SATB2: variants seen among roughly 807,000 people sequenced by gnomAD.
The protein encoded by SATB2 is DNA-binding protein SATB2.
A neutral mutation model predicts 73.4 loss-of-function variants in SATB2; 1 was observed. The observed-to-expected ratio is 0.01, with a 90% CI of 0.00 to 0.06. The LOEUF is 0.06. Ranked by LOEUF, SATB2 falls within the 10% of genes least tolerant of loss-of-function variation. The probability of loss-of-function intolerance (pLI) is 1.00; values close to 1 mark genes in which losing one functional copy is unlikely to be tolerated. For missense variants in SATB2, 459 were observed against 945.8 expected, an observed-to-expected ratio of 0.49 and a Z score of 6.75; for synonymous variants, 397 against 367.0, an observed-to-expected ratio of 1.08 and a Z score of -0.93.
chr2:199,451,194 G>T (rs1050427277), intron 2 of SATB2, among the ~76,000 whole-genome samples: 11 of 151,406 alleles, frequency 7.3e-5, no homozygotes, highest in Admixed American at 4.6e-4. Context: ...GGAACATAAG[G>T]CTTCCAAAAT....
chr2:199,311,938 T>A (rs760413540), intron 9 of SATB2, among the ~76,000 whole-genome samples: 4 of 152,152 alleles, frequency 2.6e-5, no homozygotes, highest in Non-Finnish European at 4.4e-5. Context: ...TGTATGTAAT[T>A]GTGAGTGACC....
At chr2:199,445,542 A>G (rs1270865119) in intron 2 of SATB2, among the ~76,000 whole-genome samples, 3 of 152,218 alleles carry the variant, frequency 2.0e-5, no homozygotes, top group African/African-American at 7.2e-5. Flanking sequence ...GGGGGAGTTT[A>G]TAAGTTAGCT....
intron 9 of SATB2, 49 bp downstream of exon 9, chr2:199,323,754 G>A (rs750158758): frequency 6.4e-7 from 1 of 1,561,730 alleles, no homozygotes; most frequent in Admixed American, 1.7e-5. Context: ...GGAGGAAGGA[G>A]AAGGATCTAA....
intron 3 of SATB2, among the ~76,000 whole-genome samples, chr2:199,385,942 C>T (rs1689917611): frequency 6.6e-6 from 1 of 152,096 alleles, no homozygotes; most frequent in South Asian, 2.1e-4. Flanking sequence ...ACAATGCCTA[C>T]CCTTTAGGGT....
At chr2:199,382,233 T>C (rs1053864420) in intron 3 of SATB2, among the ~76,000 whole-genome samples, 1 of 152,216 alleles carries the variant, frequency 6.6e-6, no homozygotes, top group East Asian at 1.9e-4. Flanking sequence ...AGAAAATTCC[T>C]GTGTGTGGGC....
chr2:199,454,187 T>G (rs1692208892), intron 2 of SATB2, among the ~76,000 whole-genome samples: 1 of 152,020 alleles, frequency 6.6e-6, no homozygotes, highest in Non-Finnish European at 1.5e-5. Context: ...GGGAAAAAAC[T>G]TGTTTTAGGG....
At chr2:199,363,491 G>A (rs999643233) in intron 6 of SATB2, among the ~76,000 whole-genome samples, 7 of 152,192 alleles carry the variant, frequency 4.6e-5, no homozygotes, top group African/African-American at 1.7e-4. Flanking sequence ...CAGAGGCTGG[G>A]AGGTGGGAGC....
chr2:199,316,396 C>T (rs191717388), intron 9 of SATB2, among the ~76,000 whole-genome samples: 44 of 152,150 alleles, frequency 2.9e-4, no homozygotes, highest in African/African-American at 1.1e-3. Flanking sequence ...ATTATCTAAA[C>T]CTGAAAAAAG....
At chr2:199,418,092 C>G (rs1034399415) in intron 3 of SATB2, among the ~76,000 whole-genome samples, 5 of 152,188 alleles carry the variant, frequency 3.3e-5, no homozygotes, top group African/African-American at 9.7e-5. Context: ...TAACATGATT[C>G]AGCCCTTACC....
At chr2:199,361,244 T>C (rs10497834) in intron 6 of SATB2, among the ~76,000 whole-genome samples, 142,356 of 152,084 alleles carry the variant, frequency 0.94, 67,363 homozygotes, top group East Asian at 1. Context: ...TGGTATTGTC[T>C]TATTTCTGTC....
At chr2:199,392,892 A>G (rs993954924) in intron 3 of SATB2, among the ~76,000 whole-genome samples, 2 of 152,242 alleles carry the variant, frequency 1.3e-5, no homozygotes, top group South Asian at 4.1e-4. Flanking sequence ...AGAGGTAAGC[A>G]TTACATTTTT....
At chr2:199,292,634 T>A (rs946483545) in intron 10 of SATB2, among the ~76,000 whole-genome samples, 3 of 152,232 alleles carry the variant, frequency 2.0e-5, no homozygotes, top group Admixed American at 2.0e-4. Flanking sequence ...ACTTCCTTTC[T>A]AAGCCATATT....
At chr2:199,349,305 C>T in intron 6 of SATB2, 132 bp from the exon 7 acceptor site, 1 of 717,732 alleles carries the variant, frequency 1.4e-6, no homozygotes, top group African/African-American at 1.8e-5. Flanking sequence ...ACGATGGAAG[C>T]TCCAGCATAA....
chr2:199,312,029 T>G (rs1687612273), intron 9 of SATB2, among the ~76,000 whole-genome samples: 1 of 151,428 alleles, frequency 6.6e-6, no homozygotes, highest in Non-Finnish European at 1.5e-5. Context: ...CAAGAAAGTT[T>G]TGCAGTATCA....
intron 5 of SATB2, among the ~76,000 whole-genome samples, chr2:199,369,986 T>C (rs979228336): frequency 5.3e-5 from 8 of 152,136 alleles, no homozygotes; most frequent in Non-Finnish European, 1.2e-4. Context: ...GATAACTCTT[T>C]TCATCCCAAG....
At chr2:199,357,317 C>T (rs1689015801) in intron 6 of SATB2, among the ~76,000 whole-genome samples, 1 of 152,168 alleles carries the variant, frequency 6.6e-6, no homozygotes, top group Non-Finnish European at 1.5e-5. Flanking sequence ...GTAACATACA[C>T]TGAAAAGACT....
chr2:199,450,662 T>A (rs1263239565), intron 2 of SATB2, among the ~76,000 whole-genome samples: 1 of 152,060 alleles, frequency 6.6e-6, no homozygotes, highest in Non-Finnish European at 1.5e-5. Flanking sequence ...TATTTGGAAT[T>A]CATCTAGCCC....
chr2:199,305,457 T>A (rs1176363469), intron 10 of SATB2, among the ~76,000 whole-genome samples: 2 of 152,162 alleles, frequency 1.3e-5, no homozygotes, highest in Non-Finnish European at 2.9e-5. Flanking sequence ...GATACAAGTT[T>A]ACCTATGTAA....
chr2:199,377,274 A>G (rs7591665), intron 5 of SATB2, among the ~76,000 whole-genome samples: 143,849 of 152,184 alleles, frequency 0.95, 68,527 homozygotes, highest in East Asian at 1. Flanking sequence ...AGCTACTCAG[A>G]AGGCTGACGC....
Sources: gnomAD v4.1 joint callset for allele counts (sites outside exome capture counted in the v4.1 genomes callset) on GRCh38, gnomAD v4.1.1 for gene constraint, MANE v1.5 for transcripts, NCBI Gene and HGNC (gene_info 2026-07-23, HGNC 2026-07-21) for gene names.